COL17A1: variants seen among roughly 807,000 people sequenced by gnomAD.
The protein encoded by COL17A1 is collagen alpha-1(XVII) chain.
COL17A1 carries 181 observed loss-of-function variants against 218.4 expected under a neutral mutation model. The ratio of observed to expected loss-of-function variants is 0.83; its 90% confidence interval spans 0.73 to 0.94. The LOEUF is 0.94. Among genes scored for constraint, COL17A1 ranks in the 40% least tolerant of loss-of-function variants. The pLI, the probability that COL17A1 is intolerant of heterozygous loss-of-function variation, is 0.00. For missense variants in COL17A1, 1,924 were observed against 1,945.9 expected, an observed-to-expected ratio of 0.99 and a Z score of 0.21; for synonymous variants, 721 against 731.0, an observed-to-expected ratio of 0.99 and a Z score of 0.22.
intron 41 of COL17A1, among the ~76,000 whole-genome samples, 154 bp from the exon 42 acceptor site, chr10:104,039,794 A>ACACG (rs775687391): frequency 7.2e-6 from 1 of 138,608 alleles, no homozygotes; most frequent in Admixed American, 6.9e-5. Context: ...ACACACACAC[A>ACACG]CGCACACGCA....
intron 32 of COL17A1, 25 bp from the exon 33 acceptor site, chr10:104,045,818 A>C: frequency 6.2e-7 from 1 of 1,602,010 alleles, no homozygotes; most frequent in Non-Finnish European, 8.6e-7. Flanking sequence ...ACAAGTAGTC[A>C]GGACGATGAA....
intron 25 of COL17A1, among the ~76,000 whole-genome samples, 155 bp from the exon 26 acceptor site, chr10:104,051,056 C>T (rs2086464653): frequency 6.6e-6 from 1 of 152,226 alleles, no homozygotes; most frequent in Non-Finnish European, 1.5e-5. Flanking sequence ...TTCCCAAGTC[C>T]TTTTTAAGTC....
chr10:104,070,317 A>T (rs2086658756), intron 9 of COL17A1, 109 bp downstream of exon 9: 3 of 1,559,080 alleles, frequency 1.9e-6, no homozygotes, highest in East Asian at 2.4e-5. Flanking sequence ...GTGGGCCCCA[A>T]TTTCAAGTCT....
In COL17A1 at chr10:104,034,710, C is replaced by T. The variant is rs371590546; in HGVS notation, c.3677G>A (p.Arg1226Gln). Residue 1226 changes from arginine (R) to glutamine (Q), a missense_variant, in exon 51 of 56, where the codon CGA becomes CAA. Physicochemically the swap from Arg to Gln is conservative, Grantham distance 43. Transcript: ENST00000648076. The part of the protein sequence containing the change: ...PPGPPGPPGP[R>Q]GPPGVSGALA... ...GGCTCCTGAGACACCCGGGGGCCCT[C>T]GAGGCCCTGGGGGACCAGGAGGTCC... 2.2e-5 allele frequency: 35 copies of T among 1,610,682 alleles called. No individual in the cohort carries two copies. Among genetic ancestry groups the T allele is most frequent in the Middle Eastern group, 3.3e-4 (2 of 6,056 alleles).
intron 33 of COL17A1, 120 bp from the exon 34 acceptor site, chr10:104,043,980 C>T: frequency 9.2e-7 from 1 of 1,083,430 alleles, no homozygotes; most frequent in South Asian, 1.3e-5. Context: ...CACCATCAGG[C>T]TAAAGGCATT....
intron 17 of COL17A1, 28 bp downstream of exon 17, chr10:104,056,946 CA>C (rs2086534288): frequency 6.4e-7 from 1 of 1,554,086 alleles, no homozygotes; most frequent in South Asian, 1.2e-5. Context: ...TCCTACCACA[CA>C]GGCTGCCCTG....
rs1434062916 is a variant in COL17A1, at chr10:104,039,621, A to G, written c.2808T>C (p.Gly936=). The G allele has an allele frequency of 1.2e-6, 2 of 1,614,084 alleles. No homozygotes were observed. The highest frequency in any genetic ancestry group is 4.5e-5 in the East Asian group (2 of 44,880). Residue 936 remains glycine (G), a synonymous_variant, in exon 42 of 56, where the codon GGT becomes GGC. Transcript: ENST00000648076. ...RGHQGEQGLP[G]FSTSGSSSFG... is the part of the protein sequence containing the mutation. ...TTCAGCCCTTACCTGAGGTTGAGAA[A>G]CCTGGGAGGCCTTGCTCGCCTGAGG... is the stretch of plus-strand genomic sequence containing the variant.
intron 3 of COL17A1, among the ~76,000 whole-genome samples, chr10:104,078,071 G>A (rs2086727731): frequency 6.6e-6 from 1 of 152,202 alleles, no homozygotes; most frequent in Non-Finnish European, 1.5e-5. Flanking sequence ...GCAGGGGGTA[G>A]CTTTTGGGCT....
chr10:104,074,051 C>G, intron 6 of COL17A1, 133 bp downstream of exon 6: 1 of 1,402,324 alleles, frequency 7.1e-7, no homozygotes, highest in Admixed American at 1.7e-5. Flanking sequence ...AAAAATAGGT[C>G]AGCAGGGGTC....
intron 9 of COL17A1, among the ~76,000 whole-genome samples, chr10:104,068,283 A>G (rs1163804562): frequency 6.8e-5 from 1 of 14,750 alleles, no homozygotes; most frequent in Non-Finnish European, 1.3e-3. Flanking sequence ...AGAGGCATCA[A>G]ATCATAACTG....
In COL17A1 at chr10:104,070,540, G is replaced by A. The variant is rs1476192349; in HGVS notation, c.493C>T (p.Leu165Phe). Residue 165 changes from leucine to phenylalanine, a missense_variant, in exon 9 of 56, where the codon CTC becomes TTC. Leu to Phe is a conservative substitution (Grantham distance 22). Transcript: ENST00000648076. ...ACACTTGCCGATCGACTCCCCTTGA[G>A]CAAACGCTTAACATCATCCAATTCT... ...WTELDDVKRL[L>F]KGSRSASVSP... The A allele has an allele frequency of 1.2e-6, 2 of 1,614,060 alleles. No homozygotes were observed. Among genetic ancestry groups the A allele is most frequent in the Non-Finnish European group, 1.7e-6 (2 of 1,180,040 alleles).
At chr10:104,049,539 G>C in intron 28 of COL17A1, 68 bp from the exon 29 acceptor site, 1 of 1,525,804 alleles carries the variant, frequency 6.6e-7, no homozygotes. Context: ...ATGGTGGTCT[G>C]CTCCCTCCTC....
intron 48 of COL17A1, 145 bp from the exon 49 acceptor site, chr10:104,035,708 G>A (rs2086273734): frequency 1.5e-6 from 1 of 679,020 alleles, no homozygotes; most frequent in East Asian, 2.7e-5. Context: ...CAGAGAGGAG[G>A]AGCCCAAAGG....
chr10:104,050,349 G>A (rs1281452835), intron 27 of COL17A1, among the ~76,000 whole-genome samples: 2 of 152,122 alleles, frequency 1.3e-5, no homozygotes, highest in African/African-American at 4.8e-5. Flanking sequence ...CCCTGCTGTT[G>A]CACAAATTGG....
chr10:104,056,077 G>T, intron 17 of COL17A1, 74 bp from the exon 18 acceptor site: 13 of 1,552,514 alleles, frequency 8.4e-6, no homozygotes, highest in Non-Finnish European at 1.2e-5. Context: ...TCCTAGTGGA[G>T]AGCCTGACAC....
At chr10:104,040,101 A>T in intron 40 of COL17A1, 102 bp from the exon 41 acceptor site, 1 of 1,384,332 alleles carries the variant, frequency 7.2e-7, no homozygotes, top group Non-Finnish European at 1.0e-6. Context: ...GCTAGAGCAG[A>T]TATAGAACTT....
chr10:104,053,857 G>A, intron 22 of COL17A1, 63 bp downstream of exon 22: 1 of 970,950 alleles, frequency 1.0e-6, no homozygotes, highest in South Asian at 1.4e-5. Flanking sequence ...GGCACTTAAT[G>A]AATGTTTATT....
chr10:104,046,975 C>T (rs184446503), intron 31 of COL17A1, among the ~76,000 whole-genome samples: 10 of 152,312 alleles, frequency 6.6e-5, no homozygotes, highest in East Asian at 1.9e-4. Flanking sequence ...TGCAGTGAAG[C>T]GACCCACCAC....
intron 25 of COL17A1, among the ~76,000 whole-genome samples, chr10:104,051,224 G>A (rs1189237162): frequency 6.6e-6 from 1 of 152,202 alleles, no homozygotes; most frequent in Non-Finnish European, 1.5e-5. Context: ...TGCTCAGATG[G>A]AGGCAGGATG....
Sources: allele counts gnomAD v4.1 joint callset (sites outside exome capture counted in the v4.1 genomes callset), GRCh38; gene constraint gnomAD v4.1.1; transcripts MANE v1.5; gene names NCBI Gene and HGNC (gene_info 2026-07-23, HGNC 2026-07-21).